MICU3: variants seen among roughly 807,000 people sequenced by gnomAD.
The protein encoded by MICU3 is mitochondrial calcium uptake 3.
A neutral mutation model predicts 66.5 loss-of-function variants in MICU3; 62 were observed. The ratio of observed to expected loss-of-function variants is 0.93; its 90% CI spans 0.76 to 1.15. The LOEUF is 1.15. Among genes scored for constraint, MICU3 ranks in the 50% most tolerant of loss-of-function variants. The pLI is 0.00. For synonymous variants in MICU3, 308 were observed against 240.7 expected, an observed-to-expected ratio of 1.28 and a Z score of -2.59; for missense variants, 779 against 664.4, an observed-to-expected ratio of 1.17 and a Z score of -1.90.
intron 2 of MICU3, among the ~76,000 whole-genome samples, chr8:17,067,351 G>C (rs1290806273): frequency 1.3e-5 from 2 of 151,844 alleles, no homozygotes; most frequent in Non-Finnish European, 1.5e-5. Flanking sequence ...AATGAATTAT[G>C]GTTAGTATAG....
Position 17,122,492 on chromosome 8 carries a change from A to T in MICU3, c.*2205A>T, listed in dbSNP as rs545425103. The T allele has an allele frequency of 5.9e-5, 9 of 152,070 alleles. No individual in the cohort carries two copies. In the South Asian group the frequency reaches 1.9e-3, roughly 31 times the overall value. 9.4% of individuals were successfully genotyped at this position (152,070 alleles called of 1,614,324 possible). On this transcript the variant is annotated 3_prime_UTR_variant, in exon 15 of 15. Transcript: ENST00000318063. ...TTTTTACAGAAAGCATACATGATAA[A>T]CAGTTTATGGTACTTCTCAGAATCA...
intron 1 of MICU3, among the ~76,000 whole-genome samples, chr8:17,032,630 G>A (rs926565002): frequency 2.6e-5 from 4 of 152,084 alleles, no homozygotes; most frequent in African/African-American, 4.8e-5. Flanking sequence ...TTTTGTCAAG[G>A]CAGCATATCT....
intron 13 of MICU3, among the ~76,000 whole-genome samples, chr8:17,118,323 G>A (rs778108990): frequency 6.6e-6 from 1 of 151,630 alleles, no homozygotes; most frequent in Non-Finnish European, 1.5e-5. Context: ...TATTTATGGG[G>A]TAAATGTGAT....
At chr8:17,101,459 G>T (rs1426155810) in intron 9 of MICU3, among the ~76,000 whole-genome samples, 1 of 151,782 alleles carries the variant, frequency 6.6e-6, no homozygotes, top group Non-Finnish European at 1.5e-5. Flanking sequence ...TGATGTCACT[G>T]TTACTTATGC....
intron 1 of MICU3, among the ~76,000 whole-genome samples, chr8:17,031,521 T>C (rs901096640): frequency 1.4e-4 from 22 of 151,784 alleles, no homozygotes; most frequent in Non-Finnish European, 2.9e-4. Context: ...ACTCCTGACC[T>C]CAAGTTCCGC....
intron 5 of MICU3, among the ~76,000 whole-genome samples, chr8:17,083,167 T>C (rs1828016654): frequency 6.6e-6 from 1 of 152,072 alleles, no homozygotes. Flanking sequence ...TTGAAGCTTT[T>C]CTCTTGAGCT....
chr8:17,049,224 C>T (rs960185543), intron 1 of MICU3, among the ~76,000 whole-genome samples: 18 of 151,936 alleles, frequency 1.2e-4, no homozygotes, highest in African/African-American at 3.4e-4. Context: ...CCAGGAAGAC[C>T]GAGGGAAGGG....
At chr8:17,045,176 G>T (rs1371821054) in intron 1 of MICU3, among the ~76,000 whole-genome samples, 5 of 152,136 alleles carry the variant, frequency 3.3e-5, no homozygotes, top group African/African-American at 1.2e-4. Context: ...GGAATACTTT[G>T]ATGTTATGAG....
chr8:17,043,043 C>T (rs1008806910), intron 1 of MICU3, among the ~76,000 whole-genome samples: 2 of 145,914 alleles, frequency 1.4e-5, no homozygotes, highest in Non-Finnish European at 3.0e-5. Context: ...GGGTTCATGC[C>T]ATTCTCCTGC....
intron 10 of MICU3, 94 bp from the exon 11 acceptor site, chr8:17,105,319 T>C: frequency 1.4e-6 from 1 of 690,898 alleles, no homozygotes; most frequent in Non-Finnish European, 2.4e-6. Flanking sequence ...ATTATTTCCA[T>C]ATAACCTTTT....
rs1459760250 is a variant in MICU3, at chr8:17,121,856, T to A, written c.*1569T>A. 3.3e-5 allele frequency: 5 copies of A among 151,826 alleles called. No homozygotes were observed. Among genetic ancestry groups the A allele is most frequent in the Non-Finnish European group, 5.9e-5 (4 of 67,730 alleles). The allele number at this position is 151,826 out of a possible 1,614,324, so 9.4% of individuals were successfully genotyped here. A position where few individuals can be genotyped will look rare whatever the true frequency, so the allele number is the denominator to read the frequency against. Reference sequence around the variant, plus strand: ...GTATAAGAATATAATTTCACTTGCTTTGAAAGTTGATTTAATTGACTGACT... The same window carrying A: ...GTATAAGAATATAATTTCACTTGCTATGAAAGTTGATTTAATTGACTGACT... On this transcript the variant is annotated 3_prime_UTR_variant, in exon 15 of 15. Transcript: ENST00000318063.
chr8:17,061,593 C>G (rs1448884929), intron 1 of MICU3, among the ~76,000 whole-genome samples: 2 of 151,646 alleles, frequency 1.3e-5, no homozygotes, highest in East Asian at 3.9e-4. Flanking sequence ...ATGCTTCATT[C>G]AGATCATGCT....
At chr8:17,030,851 G>A (rs1369613166) in intron 1 of MICU3, among the ~76,000 whole-genome samples, 1 of 151,834 alleles carries the variant, frequency 6.6e-6, no homozygotes, top group Non-Finnish European at 1.5e-5. Context: ...GCAGAACTCA[G>A]GTAGTGCCTC....
Position 17,064,059 on chromosome 8 carries a change from A to T in MICU3, c.382-25A>T, listed in dbSNP as rs745792286. The T allele has an allele frequency of 9.4e-6, 15 of 1,595,624 alleles. No individual in the cohort carries two copies. The South Asian group carries it at 1.7e-4, about 18-fold the overall frequency. Reference sequence around the variant, plus strand: ...GGGAGGTATTACTTCACATCATCCAAATGTATTTGCTTTCTTAACTTTAGG... The same window carrying T: ...GGGAGGTATTACTTCACATCATCCATATGTATTTGCTTTCTTAACTTTAGG... On this transcript the variant is annotated intron_variant, in intron 1 of 14. Coordinates refer to ENST00000318063, the MANE Select transcript of MICU3 (RefSeq NM_181723.3).
intron 1 of MICU3, among the ~76,000 whole-genome samples, chr8:17,048,816 A>C (rs566063389): frequency 2.0e-5 from 3 of 152,166 alleles, no homozygotes; most frequent in South Asian, 4.1e-4. Context: ...ACAGGTTGCC[A>C]CTGTGTTGCC....
intron 4 of MICU3, 93 bp from the exon 5 acceptor site, chr8:17,081,600 G>C (rs906408844): frequency 3.9e-5 from 14 of 356,844 alleles, no homozygotes; most frequent in African/African-American, 3.0e-4. Flanking sequence ...ATAATATCTA[G>C]CATCTATTTT....
intron 1 of MICU3, among the ~76,000 whole-genome samples, chr8:17,052,227 A>T (rs1046256415): frequency 6.6e-6 from 1 of 152,076 alleles, no homozygotes; most frequent in African/African-American, 2.4e-5. Context: ...TTTTATCATG[A>T]TACATAATAT....
In MICU3 at chr8:17,120,317, C is replaced by T. The variant is rs1255125110; in HGVS notation, c.*30C>T. The T allele has an allele frequency of 2.6e-5, 4 of 151,896 alleles. No individual in the cohort carries two copies. Among genetic ancestry groups the T allele is most frequent in the Admixed American group, 1.3e-4 (2 of 15,236 alleles). 9.4% of individuals were successfully genotyped at this position (151,896 alleles called of 1,614,324 possible). A position where few individuals can be genotyped will look rare whatever the true frequency, so the allele number is the denominator to read the frequency against. On this transcript the variant is annotated 3_prime_UTR_variant, in exon 15 of 15. Coordinates refer to ENST00000318063, the MANE Select transcript of MICU3 (RefSeq NM_181723.3). ...TCCTAAAACAAAGTTTAAAGGATTA[C>T]TATCTGTGTGACAAATAACAAGAAG...
At chr8:17,032,210 A>C (rs1407127414) in intron 1 of MICU3, among the ~76,000 whole-genome samples, 1 of 152,190 alleles carries the variant, frequency 6.6e-6, no homozygotes, top group African/African-American at 2.4e-5. Flanking sequence ...GTGGCACTGT[A>C]TTTATTTTAA....
Sources: allele counts gnomAD v4.1 joint callset (sites outside exome capture counted in the v4.1 genomes callset), GRCh38; gene constraint gnomAD v4.1.1; transcripts MANE v1.5; gene names NCBI Gene and HGNC (gene_info 2026-07-23, HGNC 2026-07-21).